The following BMPR1B variants were observed in gnomAD, a reference collection of about 807,000 sequenced individuals.
The protein encoded by BMPR1B is bone morphogenetic protein receptor type-1B.
BMPR1B carries 12 observed loss-of-function variants against 59.1 expected under a neutral mutation model. The observed-to-expected ratio is 0.20, with a 90% CI of 0.13 to 0.33. The LOEUF (loss-of-function observed/expected upper bound fraction) is 0.33, where lower values mean the gene tolerates loss of function less well. Ranked by LOEUF, BMPR1B falls within the 10% of genes least tolerant of loss-of-function variation. The pLI, the probability that BMPR1B is intolerant of heterozygous loss-of-function variation, is 1.00. For missense variants in BMPR1B, 550 were observed against 610.9 expected (o/e 0.90, Z 1.05); for synonymous variants, 237 against 207.3 (o/e 1.14, Z -1.23).
chr4:95,044,859 G>A (rs1268007201), intron 3 of BMPR1B, among the ~76,000 whole-genome samples: 2 of 152,068 alleles, frequency 1.3e-5, no homozygotes, highest in Admixed American at 6.5e-5. Flanking sequence ...TTTGTACTGT[G>A]GGCTCTATTG....
chr4:95,117,492 A>G (rs1261095864), intron 6 of BMPR1B, among the ~76,000 whole-genome samples: 7 of 152,036 alleles, frequency 4.6e-5, no homozygotes, highest in Admixed American at 1.3e-4. Flanking sequence ...CATAATTAAG[A>G]GAGATGAGGG....
At chr4:94,855,415 A>G (rs1274243282) in intron 1 of BMPR1B, among the ~76,000 whole-genome samples, 2 of 152,192 alleles carry the variant, frequency 1.3e-5, no homozygotes, top group South Asian at 2.1e-4. Flanking sequence ...ACTCTACAGC[A>G]TTTGCTCTAA....
At chr4:95,004,395 T>C (rs1372924548) in intron 3 of BMPR1B, among the ~76,000 whole-genome samples, 1 of 152,194 alleles carries the variant, frequency 6.6e-6, no homozygotes, top group Non-Finnish European at 1.5e-5. Context: ...AAAATTAAAT[T>C]ACACCTTATA....
At chr4:95,090,219 G>A (rs899496780) in intron 3 of BMPR1B, among the ~76,000 whole-genome samples, 3 of 151,656 alleles carry the variant, frequency 2.0e-5, no homozygotes, top group African/African-American at 7.3e-5. Context: ...TAGGGAATTA[G>A]TATATAAACA....
chr4:94,909,203 G>T (rs901481524), intron 2 of BMPR1B, among the ~76,000 whole-genome samples: 1 of 151,994 alleles, frequency 6.6e-6, no homozygotes, highest in African/African-American at 2.4e-5. Flanking sequence ...TCATCTTAAT[G>T]AATTAAGTCT....
At chr4:94,901,699 C>G (rs1196441399) in intron 2 of BMPR1B, among the ~76,000 whole-genome samples, 3 of 151,986 alleles carry the variant, frequency 2.0e-5, no homozygotes, top group Non-Finnish European at 4.4e-5. Flanking sequence ...TATCTGATAT[C>G]TCCAAAGTTG....
intron 1 of BMPR1B, among the ~76,000 whole-genome samples, chr4:94,796,015 A>G (rs1329102593): frequency 2.0e-5 from 3 of 150,550 alleles, no homozygotes; most frequent in African/African-American, 7.4e-5. Context: ...CCCAGACTGG[A>G]GTGCAATGAT....
chr4:95,121,423 G>A (rs748033623), intron 6 of BMPR1B, among the ~76,000 whole-genome samples: 11 of 152,142 alleles, frequency 7.2e-5, no homozygotes, highest in Non-Finnish European at 1.5e-4. Flanking sequence ...AACCCTTTGA[G>A]CACATTATTG....
chr4:94,900,895 C>G (rs530204274), intron 2 of BMPR1B, among the ~76,000 whole-genome samples: 1 of 151,960 alleles, frequency 6.6e-6, no homozygotes, highest in Non-Finnish European at 1.5e-5. Context: ...AACCTGAAAA[C>G]AAAAAGCACC....
At chr4:94,843,603 G>T (rs1448510056) in intron 1 of BMPR1B, among the ~76,000 whole-genome samples, 1 of 152,098 alleles carries the variant, frequency 6.6e-6, no homozygotes, top group East Asian at 1.9e-4. Flanking sequence ...GTTAATCAAG[G>T]TATTGAGTTT....
At chr4:95,118,411 A>G (rs765787097) in intron 6 of BMPR1B, among the ~76,000 whole-genome samples, 4 of 150,638 alleles carry the variant, frequency 2.7e-5, no homozygotes, top group Non-Finnish European at 4.4e-5. Context: ...TTTTTCTTCT[A>G]TTTCTTATTG....
At chr4:94,934,263 T>G (rs1729202872) in intron 2 of BMPR1B, among the ~76,000 whole-genome samples, 1 of 152,152 alleles carries the variant, frequency 6.6e-6, no homozygotes, top group South Asian at 2.1e-4. Context: ...TTTTTAAGGT[T>G]GATTTTGTAG....
chr4:95,115,810 C>G, intron 6 of BMPR1B, 23 bp downstream of exon 6: 1 of 1,572,668 alleles, frequency 6.4e-7, no homozygotes, highest in Non-Finnish European at 8.7e-7. Context: ...GGCTTCCAGC[C>G]TGGAAAATCA....
chr4:95,015,206 G>GA (rs954367668), intron 3 of BMPR1B, among the ~76,000 whole-genome samples: 6 of 151,052 alleles, frequency 4.0e-5, no homozygotes, highest in Non-Finnish European at 8.8e-5. Context: ...TGACACACAC[G>GA]AAAGAAAGAA....
At chr4:95,051,606 C>T (rs905902266) in intron 3 of BMPR1B, 8 of 1,192,984 alleles carry the variant, frequency 6.7e-6, no homozygotes, top group Admixed American at 4.1e-5. Context: ...GAAGATCTGA[C>T]AAGAGTGGCA....
intron 2 of BMPR1B, among the ~76,000 whole-genome samples, chr4:94,949,739 C>A (rs1729858399): frequency 6.6e-6 from 1 of 152,056 alleles, no homozygotes; most frequent in African/African-American, 2.4e-5. Flanking sequence ...TGAATAGTGC[C>A]ACAATAAACA....
At chr4:94,878,322 G>A (rs775046763) in intron 2 of BMPR1B, among the ~76,000 whole-genome samples, 2 of 152,134 alleles carry the variant, frequency 1.3e-5, no homozygotes, top group Non-Finnish European at 2.9e-5. Context: ...GTTTTTATTA[G>A]CAATTCATGA....
At chr4:94,908,313 C>T (rs543232456) in intron 2 of BMPR1B, among the ~76,000 whole-genome samples, 10 of 151,048 alleles carry the variant, frequency 6.6e-5, no homozygotes, top group African/African-American at 2.4e-4. Context: ...ATATTTTATA[C>T]ATCACATTTG....
intron 3 of BMPR1B, among the ~76,000 whole-genome samples, chr4:95,049,226 A>G (rs964530765): frequency 3.3e-5 from 5 of 151,220 alleles, no homozygotes; most frequent in African/African-American, 1.2e-4. Context: ...AAATCCTCCT[A>G]TCTTAGCTTC....
Sources: gnomAD v4.1 joint callset for allele counts (sites outside exome capture counted in the v4.1 genomes callset) on GRCh38, gnomAD v4.1.1 for gene constraint, MANE v1.5 for transcripts, NCBI Gene and HGNC (gene_info 2026-07-23, HGNC 2026-07-21) for gene names.